MEF2D: variants seen among roughly 807,000 people sequenced by gnomAD.
The protein encoded by MEF2D is myocyte enhancer factor 2D.
In MEF2D, 10 loss-of-function variants were observed where a neutral mutation model predicts 59.3. That is an observed-to-expected ratio of 0.17 (90% CI 0.10 to 0.29). The LOEUF is 0.29. Ranked by LOEUF, MEF2D falls within the 10% of genes least tolerant of loss-of-function variation. The pLI is 1.00. For missense variants in MEF2D, 508 were observed against 699.4 expected, an observed-to-expected ratio of 0.73 and a Z score of 3.09; for synonymous variants, 305 against 295.0, an observed-to-expected ratio of 1.03 and a Z score of -0.35.
chr1:156,470,709 C>T (rs1467249484), intron 9 of MEF2D, among the ~76,000 whole-genome samples: 1 of 152,228 alleles, frequency 6.6e-6, no homozygotes, highest in Non-Finnish European at 1.5e-5. Context: ...TGCCTATAAA[C>T]TGGAGGTAAT....
At chr1:156,484,150 G>A (rs1411016260) in intron 1 of MEF2D, 2 of 152,304 alleles carry the variant, frequency 1.3e-5, no homozygotes, top group African/African-American at 4.8e-5. Flanking sequence ...AGAACAAGGA[G>A]TTCGATCTGT....
At chr1:156,496,444 C>T (rs548362065) in intron 1 of MEF2D, among the ~76,000 whole-genome samples, 168 of 151,916 alleles carry the variant, frequency 1.1e-3, no homozygotes, top group Non-Finnish European at 1.9e-3. Context: ...GAGAGGGGCA[C>T]GTGGGGGAGG....
At chr1:156,473,028 T>C (rs1015380160) in intron 9 of MEF2D, among the ~76,000 whole-genome samples, 6 of 150,396 alleles carry the variant, frequency 4.0e-5, no homozygotes, top group Admixed American at 1.3e-4. Flanking sequence ...TTTGAACTTT[T>C]TTTTTTTTGA....
intron 8 of MEF2D, among the ~76,000 whole-genome samples, chr1:156,476,068 A>T (rs569855834): frequency 6.6e-6 from 1 of 152,022 alleles, no homozygotes. Context: ...CCCTCCTAAG[A>T]AGGATCCTGT....
At chr1:156,489,413 G>A (rs899937436) in intron 1 of MEF2D, among the ~76,000 whole-genome samples, 3 of 152,146 alleles carry the variant, frequency 2.0e-5, no homozygotes, top group Non-Finnish European at 4.4e-5. Context: ...GTGGCAGAGG[G>A]GGGACAGACA....
chr1:156,485,486 T>C (rs898167826), intron 1 of MEF2D, among the ~76,000 whole-genome samples: 10 of 151,474 alleles, frequency 6.6e-5, no homozygotes, highest in African/African-American at 1.7e-4. Context: ...GATAAATGCA[T>C]TGCGCTTCAA....
intron 1 of MEF2D, among the ~76,000 whole-genome samples, chr1:156,498,646 C>T (rs866248848): frequency 7.6e-5 from 11 of 143,876 alleles, no homozygotes; most frequent in African/African-American, 2.7e-4. Context: ...TCTCCCTTTA[C>T]AAATGTACAT....
intron 1 of MEF2D, among the ~76,000 whole-genome samples, chr1:156,491,581 A>G (rs1672797883): frequency 6.6e-6 from 1 of 152,208 alleles, no homozygotes; most frequent in Non-Finnish European, 1.5e-5. Context: ...GGGGCACACA[A>G]GGCCCTTGTG....
In MEF2D at chr1:156,467,936, G is replaced by A. The variant is rs779647081; in HGVS notation, c.1554+57C>T. ...AAATAAAACAGGTTAGGGGGCACGC[G>A]GGGCAGTCCCTGGGTGTAGCAGACA... is the stretch of plus-strand genomic sequence containing the variant. On this transcript the variant is annotated intron_variant, in intron 11 of 11. Transcript: ENST00000348159. 47 of 1,552,620 alleles carry A rather than the reference G, an allele frequency of 3.0e-5. No homozygotes were observed. The African/African-American group carries it at 5.2e-4, about 17-fold the overall frequency.
chr1:156,497,147 C>T (rs1284787955), intron 1 of MEF2D, among the ~76,000 whole-genome samples: 3 of 152,218 alleles, frequency 2.0e-5, no homozygotes, highest in Non-Finnish European at 4.4e-5. Context: ...AGAGTGACAT[C>T]GACCACAATA....
intron 1 of MEF2D, among the ~76,000 whole-genome samples, chr1:156,487,424 C>T (rs1290770173): frequency 6.6e-6 from 1 of 152,360 alleles, no homozygotes; most frequent in South Asian, 2.1e-4. Flanking sequence ...GGAGGAGATG[C>T]CCCTGTCTTA....
Position 156,464,660 on chromosome 1 carries a change from G to C in MEF2D, c.*2985C>G, listed in dbSNP as rs1350240086. The C allele has an allele frequency of 6.6e-6, 1 of 152,146 alleles. No homozygotes were observed. The highest frequency in any genetic ancestry group is 2.4e-5 in the African/African-American group (1 of 41,420). The allele number at this position is 152,146 out of a possible 1,614,324, so 9.4% of individuals were successfully genotyped here. A position where few individuals can be genotyped will look rare whatever the true frequency, so the allele number is the denominator to read the frequency against. ...GACCCATTCATCTGGCCGCCCAGGA[G>C]CCCCTACCCCCAAGAGAAACCTTCG... On this transcript the variant is annotated 3_prime_UTR_variant, in exon 12 of 12. Coordinates refer to ENST00000348159, the MANE Select transcript of MEF2D (RefSeq NM_005920.4).
Position 156,468,840 on chromosome 1 carries a change from T to C in MEF2D, c.1187A>G (p.Gln396Arg). 1 of 1,614,096 alleles carries C rather than the reference T, an allele frequency of 6.2e-7. No individual in the cohort carries two copies. Among genetic ancestry groups the C allele is most frequent in the African/African-American group, 1.3e-5 (1 of 75,046 alleles). Residue 396 changes from glutamine to arginine, a missense_variant, in exon 10 of 12, where the codon CAG (glutamine) becomes CGG (arginine). Physicochemically the swap from Gln to Arg is conservative, Grantham distance 43 (BLOSUM62 1). Coordinates refer to ENST00000348159, the MANE Select transcript of MEF2D (RefSeq NM_005920.4). This position sits in a 1 kb window ranked among gnomAD's most constrained non-coding sequence, Gnocchi z 4.3. ...PQQPQPQQPQ[Q>R]PQQPPQQQSH... is the part of the protein sequence containing the mutation. ...CTGTTGCTGAGGTGGCTGTTGCGGC[T>C]GCTGAGGCTGCTGTGGCTGTGGCTG...
At position 156,464,622 on chromosome 1, in the gene MEF2D, C is replaced by T. The variant is rs1670726864; in HGVS notation, c.*3023G>A. The T allele has an allele frequency of 6.6e-6, 1 of 152,168 alleles. No individual in the cohort carries two copies. The highest frequency in any genetic ancestry group is 6.5e-5 in the Admixed American group (1 of 15,288). 9.4% of individuals were successfully genotyped at this position (152,168 alleles called of 1,614,324 possible). On this transcript the variant is annotated 3_prime_UTR_variant, in exon 12 of 12. Coordinates refer to ENST00000348159, the MANE Select transcript of MEF2D (RefSeq NM_005920.4). The stretch of plus-strand genomic sequence containing the variant: ...AAGACATTAAGTCCTCATCTGAGGT[C>T]TGGGTTCCCAGGGACCCATTCATCT...
At chr1:156,497,024 TC>T (rs1337680891) in intron 1 of MEF2D, among the ~76,000 whole-genome samples, 1 of 152,104 alleles carries the variant, frequency 6.6e-6, no homozygotes, top group African/African-American at 2.4e-5. Context: ...TGCTTTGAGT[TC>T]CCCTCCTTTC....
chr1:156,468,893 A>T lies in MEF2D; in HGVS notation c.1134T>A (p.Pro378=). The part of the protein sequence containing the change: ...QQPQQPQQPQ[P]PQQQPPQPQQ... ...GTGGCTGCGGTGGCTGCTGCTGTGGAGGCTGTGGCTGCTGCGGCTGCTGGG... is the reference window on the plus strand; with the variant it reads ...GTGGCTGCGGTGGCTGCTGCTGTGGTGGCTGTGGCTGCTGCGGCTGCTGGG... The change falls in exon 10 of 12, where the codon CCT becomes CCA. Residue 378 remains proline (P), a synonymous_variant. Coordinates refer to ENST00000348159, the MANE Select transcript of MEF2D (RefSeq NM_005920.4). The surrounding 1 kb of genome is among the most constrained non-coding windows in gnomAD (Gnocchi z 4.3). 6.2e-7 allele frequency: 1 copy of T among 1,613,244 alleles called. No individual in the cohort carries two copies. Among genetic ancestry groups the T allele is most frequent in the Non-Finnish European group, 8.5e-7 (1 of 1,179,664 alleles).
At chr1:156,482,754 T>G in intron 2 of MEF2D, 114 bp from the exon 3 acceptor site, 1 of 952,532 alleles carries the variant, frequency 1.0e-6, no homozygotes, top group Non-Finnish European at 1.6e-6. Flanking sequence ...CCATTCTCAG[T>G]GTGACACAGC....
intron 9 of MEF2D, among the ~76,000 whole-genome samples, chr1:156,472,771 G>A (rs368165031): frequency 6.6e-6 from 1 of 151,712 alleles, no homozygotes; most frequent in African/African-American, 2.4e-5. Flanking sequence ...GTGCAGTGGC[G>A]TGATCTTGGC....
intron 1 of MEF2D, among the ~76,000 whole-genome samples, chr1:156,486,692 T>C (rs138293168): frequency 6.6e-6 from 1 of 152,330 alleles, no homozygotes; most frequent in East Asian, 1.9e-4. Context: ...TTTATCACAA[T>C]TGTGAATAAC....
Sources: gnomAD v4.1 joint callset for allele counts (sites outside exome capture counted in the v4.1 genomes callset) on GRCh38, gnomAD v4.1.1 for gene constraint, Gnocchi (gnomAD v3.1) non-coding constraint, MANE v1.5 for transcripts, NCBI Gene and HGNC (gene_info 2026-07-23, HGNC 2026-07-21) for gene names.